TNFRSF8: variants seen among roughly 807,000 people sequenced by gnomAD.
The protein encoded by TNFRSF8 is TNF receptor superfamily member 8, also known as tumor necrosis factor receptor superfamily member 8.
TNFRSF8 carries 26 observed loss-of-function variants against 70.8 expected under a neutral mutation model. That is an observed-to-expected ratio of 0.37 (90% CI 0.27 to 0.51). TNFRSF8 has a LOEUF of 0.51. Among genes scored for constraint, TNFRSF8 ranks in the 20% least tolerant of loss-of-function variants. TNFRSF8 has a pLI of 0.94. For missense variants in TNFRSF8, 720 were observed against 807.9 expected, an observed-to-expected ratio of 0.89 and a Z score of 1.32; for synonymous variants, 356 against 339.2, an observed-to-expected ratio of 1.05 and a Z score of -0.54.
At chr1:12,117,640 A>G (rs1641757267) in intron 8 of TNFRSF8, among the ~76,000 whole-genome samples, 2 of 152,308 alleles carry the variant, frequency 1.3e-5, no homozygotes, top group Middle Eastern at 3.4e-3. Context: ...CTAACACAGC[A>G]GAAGAAACTG....
chr1:12,080,706 C>T (rs1257843179), intron 1 of TNFRSF8, among the ~76,000 whole-genome samples: 1 of 152,062 alleles, frequency 6.6e-6, no homozygotes, highest in African/African-American at 2.4e-5. Flanking sequence ...TACAGGCACC[C>T]ACCACCACTC....
intron 8 of TNFRSF8, 112 bp downstream of exon 8, chr1:12,115,841 T>G: frequency 8.3e-7 from 1 of 1,204,938 alleles, no homozygotes; most frequent in Non-Finnish European, 1.2e-6. Context: ...CACCCTCGGC[T>G]GTTCATTAGG....
rs745517443 is a variant in TNFRSF8, at chr1:12,138,267, G to C, written c.1374G>C (p.Ala458=). 6.2e-7 allele frequency: 1 copy of C among 1,613,430 alleles called. No homozygotes were observed. Among genetic ancestry groups the C allele is most frequent in the African/African-American group, 1.3e-5 (1 of 74,896 alleles). Residue 458 remains alanine, a synonymous_variant, in exon 14 of 15, where the codon GCG becomes GCC. Coordinates refer to ENST00000263932, the MANE Select transcript of TNFRSF8 (RefSeq NM_001243.5). This position sits in a 1 kb window ranked among gnomAD's most constrained non-coding sequence, Gnocchi z 5.7. ...RSGASVTEPV[A]EERGLMSQPL... ...GTGCGTCGGTGACAGAACCCGTCGC[G>C]GAAGAGCGAGGGTTAATGAGCCAGC...
rs970655391 is a variant in TNFRSF8 at position 12,097,692 on chromosome 1, T to C, written c.268+475T>C. Among the ~76,000 whole-genome samples, 80 of 152,126 alleles carry C rather than the reference T, an allele frequency of 5.3e-4. 1 individual carries two copies. The highest frequency in any genetic ancestry group is 1.9e-3 in the African/African-American group (79 of 41,520). ...ACCTTTTATTGTTAGTCTCTTATTA[T>C]GGTTAGAGAATGCAGTCTGTGTGCT... On this transcript the variant is annotated intron_variant, in intron 3 of 14. Coordinates refer to ENST00000263932, the MANE Select transcript of TNFRSF8 (RefSeq NM_001243.5).
intron 2 of TNFRSF8, among the ~76,000 whole-genome samples, chr1:12,090,909 C>A (rs375718842): frequency 6.6e-6 from 1 of 152,004 alleles, no homozygotes; most frequent in African/African-American, 2.4e-5. Flanking sequence ...TGACCTTATT[C>A]GGAGATGGGG....
Position 12,142,474 on chromosome 1 carries a change from C to G in TNFRSF8, c.1731C>G (p.Leu577=), listed in dbSNP as rs1437275061. The G allele has an allele frequency of 1.1e-5, 17 of 1,607,312 alleles. No homozygotes were observed. Among genetic ancestry groups the G allele is most frequent in the Admixed American group, 1.7e-5 (1 of 58,964 alleles). Residue 577 remains leucine (L), a synonymous_variant, in exon 15 of 15, where the codon CTC becomes CTG. Coordinates refer to ENST00000263932, the MANE Select transcript of TNFRSF8 (RefSeq NM_001243.5). The surrounding 1 kb of genome is among the most constrained non-coding windows in gnomAD (Gnocchi z 5.0). ...PPLGSCSDVM[L]SVEEEGKEDP... is the part of the protein sequence containing the mutation. ...TGGGCAGCTGCAGCGATGTCATGCT[C>G]TCAGTGGAAGAGGAAGGGAAAGAAG...
At chr1:12,098,412 C>T (rs1306844367) in intron 3 of TNFRSF8, among the ~76,000 whole-genome samples, 1 of 152,100 alleles carries the variant, frequency 6.6e-6, no homozygotes, top group African/African-American at 2.4e-5. Context: ...CCTCCCCAGC[C>T]CTCCATCTAT....
intron 1 of TNFRSF8, among the ~76,000 whole-genome samples, chr1:12,083,924 G>A (rs1641108089): frequency 6.6e-6 from 1 of 152,168 alleles, no homozygotes; most frequent in Non-Finnish European, 1.5e-5. Flanking sequence ...AGCCTTTTGG[G>A]AGGAGTGTGT....
At position 12,070,013 on chromosome 1, in the gene TNFRSF8, T is replaced by C. The variant is rs542335132; in HGVS notation, c.63+6352T>C. On this transcript the variant is annotated intron_variant, in intron 1 of 14. Transcript: ENST00000263932. ...GGAGGCCGGGGTGGCTGGAGGGAAGTGAGTGGAGAGGGGTGGTTAGGAGAA... is the reference window on the plus strand; with the variant it reads ...GGAGGCCGGGGTGGCTGGAGGGAAGCGAGTGGAGAGGGGTGGTTAGGAGAA... 7.3e-5 allele frequency among the ~76,000 whole-genome samples: 11 copies of C among 151,534 alleles called. No individual in the cohort carries two copies. The East Asian group carries it at 2.1e-3, about 29-fold the overall frequency.
At chr1:12,091,481 C>G (rs920128153) in intron 2 of TNFRSF8, among the ~76,000 whole-genome samples, 2 of 152,088 alleles carry the variant, frequency 1.3e-5, no homozygotes, top group African/African-American at 4.8e-5. Context: ...CTTGGTAGGT[C>G]TGGCCTGCCA....
chr1:12,078,539 G>C lies in TNFRSF8; in HGVS notation c.64-5925G>C, dbSNP rs367655273. On this transcript the variant is annotated intron_variant, in intron 1 of 14. Coordinates refer to ENST00000263932, the MANE Select transcript of TNFRSF8 (RefSeq NM_001243.5). ...AGATCGCACCACTGCACTCCAGCTT[G>C]GGCGACGGAGCGAGTACTCTGTCTT... Among the ~76,000 whole-genome samples, 46 of 152,310 alleles carry C rather than the reference G, an allele frequency of 3.0e-4. No homozygotes were observed. The South Asian group carries it at 9.3e-3, about 31-fold the overall frequency.
At chr1:12,116,676 C>T (rs1429425914) in intron 8 of TNFRSF8, among the ~76,000 whole-genome samples, 11 of 151,984 alleles carry the variant, frequency 7.2e-5, no homozygotes, top group Admixed American at 3.3e-4. Context: ...TGGTGGGCAC[C>T]GTAGTCCCAG....
chr1:12,134,613 T>C (rs1031975526), intron 12 of TNFRSF8, among the ~76,000 whole-genome samples: 3 of 152,154 alleles, frequency 2.0e-5, no homozygotes, highest in African/African-American at 7.2e-5. Flanking sequence ...TTGAAGGAAA[T>C]GAGATGGCCC....
intron 2 of TNFRSF8, among the ~76,000 whole-genome samples, chr1:12,085,614 T>C (rs77939533): frequency 0.016 from 2,427 of 152,182 alleles, 61 homozygotes; most frequent in African/African-American, 0.055. Context: ...ACCTGGACAA[T>C]AGATTTCTCT....
chr1:12,139,916 C>T (rs1427937559), intron 14 of TNFRSF8, among the ~76,000 whole-genome samples: 1 of 152,254 alleles, frequency 6.6e-6, no homozygotes, highest in Non-Finnish European at 1.5e-5. Flanking sequence ...GGATTATAGG[C>T]ATGAGCCACC....
At chr1:12,066,145 G>A (rs981333013) in intron 1 of TNFRSF8, among the ~76,000 whole-genome samples, 1 of 152,066 alleles carries the variant, frequency 6.6e-6, no homozygotes, top group Non-Finnish European at 1.5e-5. Context: ...GCCTACCGGG[G>A]AAGCTGAGCA....
chr1:12,069,122 C>T (rs762673034), intron 1 of TNFRSF8, among the ~76,000 whole-genome samples: 11 of 148,364 alleles, frequency 7.4e-5, no homozygotes, highest in Non-Finnish European at 1.0e-4. Context: ...CCACCCGCCT[C>T]GGCCTTTCAA....
At chr1:12,093,741 A>G (rs966426235) in intron 2 of TNFRSF8, among the ~76,000 whole-genome samples, 10 of 152,070 alleles carry the variant, frequency 6.6e-5, no homozygotes, top group African/African-American at 1.9e-4. Context: ...AGGTTTCACC[A>G]TGTTGGTCAG....
chr1:12,078,192 T>C (rs539169061), intron 1 of TNFRSF8, among the ~76,000 whole-genome samples: 114 of 152,026 alleles, frequency 7.5e-4, no homozygotes, highest in Non-Finnish European at 1.4e-3. Flanking sequence ...AGCTGGTAGA[T>C]GTGGGGGTAA....
Sources: gnomAD v4.1 joint callset for allele counts (sites outside exome capture counted in the v4.1 genomes callset) on GRCh38, gnomAD v4.1.1 for gene constraint, Gnocchi (gnomAD v3.1) non-coding constraint, MANE v1.5 for transcripts, NCBI Gene and HGNC (gene_info 2026-07-23, HGNC 2026-07-21) for gene names.